The following ULK4 variants were observed in gnomAD, a reference collection of about 807,000 sequenced individuals.
The protein encoded by ULK4 is unc-51 like kinase 4.
ULK4 carries 133 observed loss-of-function variants against 160.6 expected under a neutral mutation model. The ratio of observed to expected loss-of-function variants is 0.83; its 90% CI spans 0.72 to 0.96. ULK4 has a LOEUF of 0.96. Ranked by LOEUF, ULK4 falls within the 40% of genes least tolerant of loss-of-function variation. ULK4 has a pLI of 0.00. For synonymous variants in ULK4, 534 were observed against 539.8 expected (o/e 0.99, Z 0.15); for missense variants, 1,580 against 1,499.5 (o/e 1.05, Z -0.89).
At chr3:41,566,919 C>A (rs1017448865) in intron 31 of ULK4, among the ~76,000 whole-genome samples, 3 of 152,106 alleles carry the variant, frequency 2.0e-5, no homozygotes, top group African/African-American at 4.8e-5. Context: ...GCAAGAGAGA[C>A]ACACGAGGTG....
At chr3:41,270,086 C>A (rs902487685) in intron 35 of ULK4, among the ~76,000 whole-genome samples, 1 of 151,962 alleles carries the variant, frequency 6.6e-6, no homozygotes, top group African/African-American at 2.4e-5. Context: ...TAAGGATGAG[C>A]AAAGTTGTTA....
intron 34 of ULK4, among the ~76,000 whole-genome samples, chr3:41,403,147 G>A (rs899886747): frequency 1.5e-4 from 21 of 141,388 alleles, no homozygotes; most frequent in African/African-American, 4.8e-4. Context: ...TGAAAACTCC[G>A]TCTCAAAAAA....
At chr3:41,491,513 C>T (rs1017931282) in intron 32 of ULK4, among the ~76,000 whole-genome samples, 2 of 151,754 alleles carry the variant, frequency 1.3e-5, no homozygotes, top group Admixed American at 6.6e-5. Flanking sequence ...AAATTAGGTA[C>T]AAAAATATGG....
intron 22 of ULK4, 93 bp downstream of exon 22, chr3:41,754,268 C>A: frequency 7.3e-7 from 1 of 1,370,024 alleles, no homozygotes; most frequent in Non-Finnish European, 9.7e-7. Context: ...AAAAAAAATA[C>A]CAGATACACA....
chr3:41,369,771 G>A (rs1429684553), intron 35 of ULK4, among the ~76,000 whole-genome samples: 1 of 147,324 alleles, frequency 6.8e-6, no homozygotes, highest in Non-Finnish European at 1.5e-5. Flanking sequence ...TCCAGCCTGG[G>A]TGACAGAGTG....
chr3:41,735,119 T>C (rs1399080492), intron 22 of ULK4, among the ~76,000 whole-genome samples: 2 of 152,088 alleles, frequency 1.3e-5, no homozygotes, highest in African/African-American at 4.8e-5. Context: ...AAAGAAATGA[T>C]TTGATGAAAG....
intron 15 of ULK4, 67 bp from the exon 16 acceptor site, chr3:41,895,631 A>C: frequency 9.8e-7 from 1 of 1,020,018 alleles, no homozygotes. Flanking sequence ...AAACACAGAA[A>C]ATGACAGCAA....
intron 29 of ULK4, among the ~76,000 whole-genome samples, chr3:41,670,315 T>C (rs1410684981): frequency 6.6e-6 from 1 of 152,156 alleles, no homozygotes; most frequent in African/African-American, 2.4e-5. Flanking sequence ...CACATCTCTT[T>C]CAAAATGTGA....
intron 31 of ULK4, among the ~76,000 whole-genome samples, chr3:41,572,349 G>A (rs186877645): frequency 4.6e-5 from 7 of 152,230 alleles, no homozygotes; most frequent in African/African-American, 1.7e-4. Flanking sequence ...GTGAAAATCT[G>A]AGAAACACTA....
At chr3:41,836,199 A>T (rs2041751459) in intron 17 of ULK4, among the ~76,000 whole-genome samples, 1 of 130,408 alleles carries the variant, frequency 7.7e-6, no homozygotes, top group African/African-American at 4.1e-5. Context: ...TTCAGTTTAT[A>T]ATTTTTTTTT....
intron 29 of ULK4, among the ~76,000 whole-genome samples, chr3:41,670,246 C>T (rs2035493453): frequency 6.6e-6 from 1 of 152,182 alleles, no homozygotes; most frequent in Non-Finnish European, 1.5e-5. Flanking sequence ...AGGTTAAAGA[C>T]ATTCCTCTAG....
intron 1 of ULK4, among the ~76,000 whole-genome samples, chr3:41,957,299 C>T (rs1235956194): frequency 6.7e-6 from 1 of 150,084 alleles, no homozygotes; most frequent in African/African-American, 2.4e-5. Flanking sequence ...ACTAAAAATA[C>T]AAAAATTAGC....
intron 35 of ULK4, among the ~76,000 whole-genome samples, chr3:41,307,828 T>TCATA (rs1377661594): frequency 2.4e-5 from 3 of 127,022 alleles, no homozygotes; most frequent in Admixed American, 8.0e-5. Context: ...AAACCCCGTT[T>TCATA]CATACATACA....
chr3:41,467,069 G>A (rs2083854380), intron 32 of ULK4, among the ~76,000 whole-genome samples: 1 of 152,128 alleles, frequency 6.6e-6, no homozygotes, highest in African/African-American at 2.4e-5. Flanking sequence ...ATGATGTGCA[G>A]CAACCAGGAC....
intron 9 of ULK4, 126 bp from the exon 10 acceptor site, chr3:41,911,785 C>A: frequency 1.4e-6 from 1 of 721,532 alleles, no homozygotes; most frequent in South Asian, 1.8e-5. Flanking sequence ...TACAGAATCT[C>A]TTAACTTTAT....
intron 18 of ULK4, among the ~76,000 whole-genome samples, chr3:41,831,916 A>G (rs909337253): frequency 6.6e-6 from 1 of 152,168 alleles, no homozygotes; most frequent in African/African-American, 2.4e-5. Context: ...TCCATGGTGT[A>G]TATGTGCCAC....
At chr3:41,488,348 G>C (rs1357101815) in intron 32 of ULK4, among the ~76,000 whole-genome samples, 1 of 152,164 alleles carries the variant, frequency 6.6e-6, no homozygotes, top group Non-Finnish European at 1.5e-5. Flanking sequence ...ACGGTCCAGA[G>C]AGTTGGAAAT....
intron 35 of ULK4, among the ~76,000 whole-genome samples, chr3:41,283,539 T>A (rs2079400614): frequency 1.3e-5 from 2 of 152,048 alleles, no homozygotes; most frequent in African/African-American, 2.4e-5. Flanking sequence ...CAGCAAACTA[T>A]CGCAAGGACA....
intron 22 of ULK4, among the ~76,000 whole-genome samples, chr3:41,725,737 C>T (rs1323463980): frequency 6.6e-6 from 1 of 152,144 alleles, no homozygotes; most frequent in East Asian, 1.9e-4. Context: ...TCCTCATAGG[C>T]CTGACTACTT....
Sources: gnomAD v4.1 joint callset for allele counts (sites outside exome capture counted in the v4.1 genomes callset) on GRCh38, gnomAD v4.1.1 for gene constraint, MANE v1.5 for transcripts, NCBI Gene and HGNC (gene_info 2026-07-23, HGNC 2026-07-21) for gene names.